ZDHHC2: variants seen among roughly 807,000 people sequenced by gnomAD.
The protein encoded by ZDHHC2 is palmitoyltransferase ZDHHC2.
ZDHHC2 carries 51 observed loss-of-function variants against 55.6 expected under a neutral mutation model. That is an observed-to-expected ratio of 0.92 (90% CI 0.73 to 1.16). The LOEUF is 1.16. Among genes scored for constraint, ZDHHC2 ranks in the 50% most tolerant of loss-of-function variants. ZDHHC2 has a pLI of 0.00. For synonymous variants in ZDHHC2, 199 were observed against 152.9 expected, an observed-to-expected ratio of 1.30 and a Z score of -2.22; for missense variants, 491 against 442.4, an observed-to-expected ratio of 1.11 and a Z score of -0.99.
At chr8:17,178,198 T>A (rs2517079) in intron 1 of ZDHHC2, among the ~76,000 whole-genome samples, 150,769 of 152,256 alleles carry the variant, frequency 0.99, 74,679 homozygotes, top group Middle Eastern at 1. Context: ...CTGTATCTCA[T>A]TAGATACCAT....
At chr8:17,203,799 T>C (rs1362482404) in intron 6 of ZDHHC2, among the ~76,000 whole-genome samples, 2 of 108,572 alleles carry the variant, frequency 1.8e-5, no homozygotes, top group Non-Finnish European at 3.9e-5. Context: ...ATTTGTGGCT[T>C]CTTTTTTTTC....
At chr8:17,213,464 C>T (rs1807488325) in intron 10 of ZDHHC2, among the ~76,000 whole-genome samples, 1 of 152,046 alleles carries the variant, frequency 6.6e-6, no homozygotes, top group Non-Finnish European at 1.5e-5. Flanking sequence ...ATTGGCCAGG[C>T]TGGTCTCGAA....
intron 10 of ZDHHC2, 135 bp downstream of exon 10, chr8:17,210,615 G>A: frequency 5.9e-6 from 4 of 674,216 alleles, no homozygotes; most frequent in South Asian, 4.8e-5. Flanking sequence ...TTGAAATGAG[G>A]GAAAAAAGAA....
chr8:17,206,804 A>G (rs1807121756), intron 7 of ZDHHC2, among the ~76,000 whole-genome samples: 1 of 152,210 alleles, frequency 6.6e-6, no homozygotes, highest in Admixed American at 6.5e-5. Context: ...TATTATTTTC[A>G]TTAAATTATC....
chr8:17,185,345 A>G (rs1238272659), intron 2 of ZDHHC2, among the ~76,000 whole-genome samples: 1 of 152,168 alleles, frequency 6.6e-6, no homozygotes, highest in Non-Finnish European at 1.5e-5. Flanking sequence ...AAGCATTATC[A>G]CCATATAGAA....
chr8:17,207,796 A>G (rs1367619898), intron 7 of ZDHHC2, among the ~76,000 whole-genome samples, 164 bp from the exon 8 acceptor site: 1 of 152,002 alleles, frequency 6.6e-6, no homozygotes, highest in Non-Finnish European at 1.5e-5. Flanking sequence ...ACCTGATGAA[A>G]TATATGCATA....
At position 17,224,208 on chromosome 8, in the gene ZDHHC2, G is replaced by A. The variant is rs1179060981; in HGVS notation, c.*3987G>A. On this transcript the variant is annotated 3_prime_UTR_variant, in exon 13 of 13. Transcript: ENST00000262096. ...CAACAGAAGACACTTTTAATCATTT[G>A]CAGACCTTTCTTGTTGCAGGAAAGT... 6.6e-6 allele frequency: 1 copy of A among 151,660 alleles called. No homozygotes were observed. Among genetic ancestry groups the A allele is most frequent in the Non-Finnish European group, 1.5e-5 (1 of 67,686 alleles). 9.4% of individuals were successfully genotyped at this position (151,660 alleles called of 1,614,324 possible).
At chr8:17,157,046 C>T (rs996278202) in intron 1 of ZDHHC2, among the ~76,000 whole-genome samples, 193 bp downstream of exon 1, 4 of 152,202 alleles carry the variant, frequency 2.6e-5, no homozygotes, top group African/African-American at 7.2e-5. Flanking sequence ...CTCGCCCTCC[C>T]CTCCCAACTC....
chr8:17,171,442 TC>T (rs2150888927), intron 1 of ZDHHC2, among the ~76,000 whole-genome samples: 1 of 152,292 alleles, frequency 6.6e-6, no homozygotes, highest in East Asian at 1.9e-4. Context: ...TCAGAAATGG[TC>T]CTTCCCTTTG....
intron 3 of ZDHHC2, among the ~76,000 whole-genome samples, chr8:17,190,736 GATAT>G (rs1177879138): frequency 1.3e-5 from 2 of 151,772 alleles, no homozygotes; most frequent in Non-Finnish European, 2.9e-5. Context: ...GTACCTAATA[GATAT>G]ATATATTTAT....
chr8:17,197,706 T>C (rs1309861967), intron 5 of ZDHHC2, 55 bp downstream of exon 5: 2 of 1,503,144 alleles, frequency 1.3e-6, no homozygotes, highest in Non-Finnish European at 1.8e-6. Flanking sequence ...TTTTTCTTCA[T>C]TATGTTTCTT....
intron 1 of ZDHHC2, 38 bp downstream of exon 1, chr8:17,156,891 G>GCAGCC (rs1400698096): frequency 6.8e-7 from 1 of 1,470,888 alleles, no homozygotes; most frequent in African/African-American, 1.5e-5. Context: ...CCAGCGCAGC[G>GCAGCC]CAGCCCACCC....
At position 17,186,467 on chromosome 8, in the gene ZDHHC2, C is replaced by T. The variant is rs1266497390; in HGVS notation, c.252+42C>T. The T allele has an allele frequency of 3.4e-6, 4 of 1,181,640 alleles. No individual in the cohort carries two copies. The African/African-American group carries it at 4.9e-5, about 14-fold the overall frequency. 73.2% of individuals were successfully genotyped at this position (1,181,640 alleles called of 1,614,324 possible). On this transcript the variant is annotated intron_variant, in intron 3 of 12. Transcript: ENST00000262096. ...ACGAAATTATTCTAATAATAGAAATCAATAATACTGATGTATTATTGAAGA... is the reference window on the plus strand; with the variant it reads ...ACGAAATTATTCTAATAATAGAAATTAATAATACTGATGTATTATTGAAGA...
chr8:17,196,516 T>C (rs1806318999), intron 4 of ZDHHC2, among the ~76,000 whole-genome samples: 1 of 151,728 alleles, frequency 6.6e-6, no homozygotes, highest in South Asian at 2.1e-4. Context: ...GTTGCACCAC[T>C]GCACTGCCGC....
intron 11 of ZDHHC2, among the ~76,000 whole-genome samples, chr8:17,215,744 T>C (rs556783145): frequency 6.6e-6 from 1 of 152,318 alleles, no homozygotes; most frequent in Non-Finnish European, 1.5e-5. Flanking sequence ...AAGATTTCTG[T>C]CCAATTTCAA....
chr8:17,209,131 C>A (rs1265562671), intron 8 of ZDHHC2, among the ~76,000 whole-genome samples: 1 of 152,080 alleles, frequency 6.6e-6, no homozygotes, highest in East Asian at 1.9e-4. Flanking sequence ...TGACCTTATT[C>A]AAGTCTCAGT....
At chr8:17,209,836 CAG>C in intron 8 of ZDHHC2, 94 bp from the exon 9 acceptor site, 1 of 1,385,016 alleles carries the variant, frequency 7.2e-7, no homozygotes, top group Non-Finnish European at 9.5e-7. Flanking sequence ...CATTGATTTT[CAG>C]AGTTTCTTCA....
chr8:17,176,087 G>A (rs1805114338), intron 1 of ZDHHC2, among the ~76,000 whole-genome samples: 1 of 152,166 alleles, frequency 6.6e-6, no homozygotes, highest in South Asian at 2.1e-4. Flanking sequence ...TAAATTGAGT[G>A]CAGAGCCTTG....
chr8:17,158,244 A>G (rs1804163491), intron 1 of ZDHHC2, among the ~76,000 whole-genome samples: 1 of 152,214 alleles, frequency 6.6e-6, no homozygotes, highest in Admixed American at 6.5e-5. Context: ...ATCTTAAAAT[A>G]GCTTGCCTTA....
Sources: gnomAD v4.1 joint callset for allele counts (sites outside exome capture counted in the v4.1 genomes callset) on GRCh38, gnomAD v4.1.1 for gene constraint, MANE v1.5 for transcripts, NCBI Gene and HGNC (gene_info 2026-07-23, HGNC 2026-07-21) for gene names.